RIMKLB: variants seen among roughly 807,000 people sequenced by gnomAD.
RIMKLB encodes the protein ribosomal modification protein rimK like family member B, also known as beta-citrylglutamate synthase B.
RIMKLB carries 7 observed loss-of-function variants against 32.0 expected under a neutral mutation model. The ratio of observed to expected loss-of-function variants is 0.22; its 90% confidence interval spans 0.12 to 0.41. The LOEUF is 0.41. Ranked by LOEUF, RIMKLB falls within the 10% of genes least tolerant of loss-of-function variation. RIMKLB has a pLI of 1.00. For synonymous variants in RIMKLB, 172 were observed against 185.1 expected (o/e 0.93, Z 0.57); for missense variants, 289 against 498.7 (o/e 0.58, Z 4.00).
intron 5 of RIMKLB, 145 bp from the exon 6 acceptor site, chr12:8,773,176 G>C: frequency 1.6e-6 from 1 of 619,892 alleles, no homozygotes; most frequent in Middle Eastern, 4.4e-4. Context: ...AGGAAATCTA[G>C]ACTTAGAAGT....
At chr12:8,763,454 A>AT (rs1565415449) in intron 5 of RIMKLB, among the ~76,000 whole-genome samples, 1 of 152,148 alleles carries the variant, frequency 6.6e-6, no homozygotes, top group East Asian at 1.9e-4. Flanking sequence ...TGGCCTGGCT[A>AT]TTTCGCCATA....
intron 2 of RIMKLB, among the ~76,000 whole-genome samples, chr12:8,717,403 T>C (rs929701797): frequency 1.3e-5 from 2 of 152,122 alleles, no homozygotes; most frequent in Admixed American, 1.3e-4. Context: ...TGTAAATGAG[T>C]AGAAGGCATA....
downstream of RIMKLB, chr12:8,777,255 A>T: frequency 4.1e-6 from 4 of 969,446 alleles, no homozygotes; most frequent in Non-Finnish European, 4.9e-6. Flanking sequence ...TTAAAAAAAC[A>T]AAACAAAGTT....
chr12:8,731,548 A>C lies in RIMKLB; in HGVS notation c.175+17507A>C, dbSNP rs539371399. On this transcript the variant is annotated intron_variant, in intron 2 of 5. Coordinates refer to ENST00000535829, the MANE Select transcript of RIMKLB (RefSeq NM_001297776.2). ...GCTGACATCCTTTAGTGGTTCTTTA[A>C]GCTCTGGTCAGCAATTGGTAAACAA... 5.9e-5 allele frequency among the ~76,000 whole-genome samples: 9 copies of C among 151,962 alleles called. No homozygotes were observed. The South Asian group carries it at 1.9e-3, about 32-fold the overall frequency.
intron 2 of RIMKLB, 168 bp downstream of exon 2, chr12:8,714,209 A>G: frequency 1.8e-6 from 1 of 550,960 alleles, no homozygotes; most frequent in Non-Finnish European, 3.2e-6. Flanking sequence ...ACTAATATTT[A>G]TTAACTTTAT....
intron 2 of RIMKLB, among the ~76,000 whole-genome samples, chr12:8,718,441 C>A (rs1232705219): frequency 6.6e-6 from 1 of 152,172 alleles, no homozygotes; most frequent in Non-Finnish European, 1.5e-5. Flanking sequence ...GTCAGGAGAT[C>A]GAGGCCATCC....
intron 2 of RIMKLB, among the ~76,000 whole-genome samples, chr12:8,748,609 T>G (rs960584947): frequency 6.8e-6 from 1 of 147,896 alleles, no homozygotes; most frequent in Non-Finnish European, 1.5e-5. Flanking sequence ...TATATATTTT[T>G]TATATATATA....
At chr12:8,705,476 CA>C (rs10607711) in intron 1 of RIMKLB, among the ~76,000 whole-genome samples, 59,266 of 105,148 alleles carry the variant, frequency 0.56, 12,955 homozygotes, top group Middle Eastern at 0.61. Context: ...GACTCCATCT[CA>C]AAAAAAAAAA....
chr12:8,742,141 G>A (rs1005679108), intron 2 of RIMKLB, among the ~76,000 whole-genome samples: 2 of 151,480 alleles, frequency 1.3e-5, no homozygotes, highest in African/African-American at 4.9e-5. Context: ...CTCATGATCC[G>A]CCCGCCTCAG....
At chr12:8,696,224 T>C (rs1198900710), upstream of RIMKLB, among the ~76,000 whole-genome samples, 1 of 152,240 alleles carries the variant, frequency 6.6e-6, no homozygotes, top group Non-Finnish European at 1.5e-5. Flanking sequence ...AGTGTTAGTA[T>C]CTCTGTGCTC....
At position 8,774,385 on chromosome 12, in the gene RIMKLB, A is replaced by AT. The variant is rs1950608600; in HGVS notation, c.*601_*602insT. 2 of 985,660 alleles carry AT rather than the reference A, an allele frequency of 2.0e-6. No homozygotes were observed. The highest frequency in any genetic ancestry group is 6.1e-5 in the Admixed American group (1 of 16,286). 61.1% of individuals were successfully genotyped at this position (985,660 alleles called of 1,614,324 possible). A position where few individuals can be genotyped will look rare whatever the true frequency, so the allele number is the denominator to read the frequency against. ...GAGGTCAAATTGAATATAACCCAAT[A>AT]AAGGCTTCTTAATGACAAAATTGGC... On this transcript the variant is annotated 3_prime_UTR_variant, in exon 6 of 6. Transcript: ENST00000535829.
chr12:8,712,623 T>C (rs981844502), intron 1 of RIMKLB, among the ~76,000 whole-genome samples: 1 of 151,748 alleles, frequency 6.6e-6, no homozygotes, highest in Non-Finnish European at 1.5e-5. Context: ...AAGAGAGAGG[T>C]AGGTGGTCAA....
intron 1 of RIMKLB, among the ~76,000 whole-genome samples, chr12:8,706,723 G>T (rs1240518531): frequency 6.6e-6 from 1 of 151,636 alleles, no homozygotes; most frequent in Non-Finnish European, 1.5e-5. Context: ...CAAAGTGCTG[G>T]GATTACCGGC....
Position 8,707,094 on chromosome 12 carries a change from CCAAT to C in RIMKLB, c.-56-6713_-56-6710del, listed in dbSNP as rs1413095166. Among the ~76,000 whole-genome samples, 3 of 152,300 alleles carry C rather than the reference CCAAT, an allele frequency of 2.0e-5. No individual in the cohort carries two copies. In the East Asian group the frequency reaches 5.8e-4, roughly 29 times the overall value. On this transcript the variant is annotated intron_variant, in intron 1 of 5. Transcript: ENST00000535829. ...GCTTTTTCCTGTTCTTTCAGCAACA[CCAAT>C]CAACACAGAAGATCCACTGATGGAG...
chr12:8,698,221 C>T lies in RIMKLB; in HGVS notation c.-133C>T. ...CCTCTCCTTCCCCCACTTCCAGCCG[C>T]CCGGCGGCCCGCGCTTCCTCGAAGG... On this transcript the variant is annotated 5_prime_UTR_variant, in exon 1 of 6. Coordinates refer to ENST00000535829, the MANE Select transcript of RIMKLB (RefSeq NM_001297776.2). The T allele has an allele frequency of 2.7e-6, 1 of 371,144 alleles. No individual in the cohort carries two copies. 23.0% of individuals were successfully genotyped at this position (371,144 alleles called of 1,614,324 possible). A position where few individuals can be genotyped will look rare whatever the true frequency, so the allele number is the denominator to read the frequency against.
downstream of RIMKLB, among the ~76,000 whole-genome samples, chr12:8,781,526 G>A (rs886955831): frequency 6.6e-6 from 1 of 152,210 alleles, no homozygotes; most frequent in Non-Finnish European, 1.5e-5. Context: ...GTTCCACCCT[G>A]CCTGTTCACC....
chr12:8,782,172 T>G (rs1360405958), downstream of RIMKLB, among the ~76,000 whole-genome samples: 1 of 149,048 alleles, frequency 6.7e-6, no homozygotes, highest in Non-Finnish European at 1.5e-5. Flanking sequence ...CAAAAATTGT[T>G]TTTTTCTGTA....
At chr12:8,715,562 G>C (rs754447980) in intron 2 of RIMKLB, among the ~76,000 whole-genome samples, 1 of 152,170 alleles carries the variant, frequency 6.6e-6, no homozygotes, top group Non-Finnish European at 1.5e-5. Flanking sequence ...CCTTTATCAG[G>C]ATGATGCTCA....
At chr12:8,770,509 C>T (rs1443946326) in intron 5 of RIMKLB, among the ~76,000 whole-genome samples, 2 of 152,228 alleles carry the variant, frequency 1.3e-5, no homozygotes, top group Non-Finnish European at 1.5e-5. Flanking sequence ...CCATGGTTTA[C>T]TCCTCATATT....
Sources: allele counts gnomAD v4.1 joint callset (sites outside exome capture counted in the v4.1 genomes callset), GRCh38; gene constraint gnomAD v4.1.1; transcripts MANE v1.5; gene names NCBI Gene and HGNC (gene_info 2026-07-23, HGNC 2026-07-21).